Variants in PSMA1 observed in about 807,000 individuals in gnomAD.
PSMA1 encodes proteasome 20S subunit alpha 1, also known as proteasome subunit alpha type-1.
In PSMA1, 3 loss-of-function variants were observed where a neutral mutation model predicts 38.4. The observed-to-expected ratio is 0.08, with a 90% confidence interval of 0.04 to 0.20. The LOEUF (loss-of-function observed/expected upper bound fraction) is 0.20, where lower values mean the gene tolerates loss of function less well. PSMA1 is among the 10% of genes least tolerant of loss of function. PSMA1 has a pLI of 1.00. For missense variants in PSMA1, 227 were observed against 325.3 expected, an observed-to-expected ratio of 0.70 and a Z score of 2.32; for synonymous variants, 101 against 107.1, an observed-to-expected ratio of 0.94 and a Z score of 0.35.
At chr11:14,613,525 A>T (rs1335320985) in intron 1 of PSMA1, among the ~76,000 whole-genome samples, 1 of 152,136 alleles carries the variant, frequency 6.6e-6, no homozygotes, top group Non-Finnish European at 1.5e-5. Flanking sequence ...AAGTGCTGGG[A>T]TTATAGGCGT....
chr11:14,633,813 G>T lies in PSMA1; in HGVS notation c.-166+9642C>A, dbSNP rs57216871. 1.8e-3 allele frequency among the ~76,000 whole-genome samples: 268 copies of T among 152,282 alleles called. 7 individuals carry two copies. In the East Asian group the frequency reaches 0.042, roughly 24 times the overall value. On this transcript the variant is annotated intron_variant, in intron 1 of 10. Coordinates refer to the PSMA1 transcript ENST00000418988. ...AGACTCTGTGGGCATAGGACCCTCC[G>T]AGCCAGGTGCGGGATATAATCTCGT... is the stretch of plus-strand genomic sequence containing the variant.
At chr11:14,598,966 G>T (rs910287244) in intron 2 of PSMA1, among the ~76,000 whole-genome samples, 2 of 151,884 alleles carry the variant, frequency 1.3e-5, no homozygotes, top group Non-Finnish European at 2.9e-5. Flanking sequence ...GCATTTTTCT[G>T]TAAAGGATCT....
chr11:14,595,709 G>T (rs1852482189), intron 2 of PSMA1, among the ~76,000 whole-genome samples: 1 of 152,138 alleles, frequency 6.6e-6, no homozygotes, highest in Admixed American at 6.5e-5. Context: ...TTACTCTGAT[G>T]GTAGTTTCTT....
chr11:14,514,356 A>G, intron 5 of PSMA1, 47 bp downstream of exon 5: 1 of 1,550,478 alleles, frequency 6.4e-7, no homozygotes. Flanking sequence ...ACAAGTATCA[A>G]AACCCTTCAA....
chr11:14,577,776 AG>A (rs1430995298), intron 2 of PSMA1, among the ~76,000 whole-genome samples: 14 of 152,264 alleles, frequency 9.2e-5, no homozygotes, highest in South Asian at 2.1e-4. Flanking sequence ...GAACCCAGAC[AG>A]TCAGGCTCCA....
intron 2 of PSMA1, among the ~76,000 whole-genome samples, chr11:14,564,954 T>A (rs999706903): frequency 4.6e-5 from 7 of 152,130 alleles, no homozygotes; most frequent in Non-Finnish European, 7.4e-5. Context: ...ATTAAAAAAA[T>A]TTTTTTGTAG....
At chr11:14,547,898 A>G (rs991333501) in intron 2 of PSMA1, among the ~76,000 whole-genome samples, 1 of 152,104 alleles carries the variant, frequency 6.6e-6, no homozygotes, top group African/African-American at 2.4e-5. Flanking sequence ...TACTTGGCTA[A>G]CTTGAACCTG....
chr11:14,593,613 TGA>T (rs59225796), intron 2 of PSMA1, among the ~76,000 whole-genome samples: 5,037 of 98,800 alleles, frequency 0.051, 180 homozygotes, highest in South Asian at 0.073. Context: ...GGAGGAAAAA[TGA>T]GAGAGAGAGA....
At chr11:14,531,028 T>C (rs1369539412) in intron 2 of PSMA1, among the ~76,000 whole-genome samples, 1 of 152,184 alleles carries the variant, frequency 6.6e-6, no homozygotes, top group Non-Finnish European at 1.5e-5. Flanking sequence ...ACTCTTCTAG[T>C]AGATAGTTTT....
chr11:14,565,860 C>T (rs193184638), intron 2 of PSMA1, among the ~76,000 whole-genome samples: 12 of 152,274 alleles, frequency 7.9e-5, no homozygotes, highest in Middle Eastern at 3.4e-3. Context: ...ATTTACTGTA[C>T]GGCATTTATC....
At chr11:14,629,418 A>G (rs1470482982) in intron 1 of PSMA1, among the ~76,000 whole-genome samples, 2 of 152,312 alleles carry the variant, frequency 1.3e-5, no homozygotes, top group Admixed American at 6.5e-5. Context: ...CATTTATTAA[A>G]TAGGGAATCC....
At chr11:14,589,632 A>G (rs1852388930) in intron 2 of PSMA1, among the ~76,000 whole-genome samples, 1 of 152,102 alleles carries the variant, frequency 6.6e-6, no homozygotes, top group Non-Finnish European at 1.5e-5. Context: ...TTGACCCCTC[A>G]GGGAAAGGTA....
At chr11:14,511,328 G>A (rs747867405) in intron 7 of PSMA1, among the ~76,000 whole-genome samples, 4 of 151,898 alleles carry the variant, frequency 2.6e-5, no homozygotes, top group Non-Finnish European at 4.4e-5. Flanking sequence ...CAGTATTACC[G>A]ATAACAAGAA....
At chr11:14,571,920 C>A (rs913492670) in intron 2 of PSMA1, among the ~76,000 whole-genome samples, 5 of 152,028 alleles carry the variant, frequency 3.3e-5, no homozygotes, top group African/African-American at 9.7e-5. Flanking sequence ...ACAAAGAAGG[C>A]CATTACATAA....
At chr11:14,509,692 C>T (rs1851309419) in intron 8 of PSMA1, among the ~76,000 whole-genome samples, 1 of 149,668 alleles carries the variant, frequency 6.7e-6, no homozygotes, top group East Asian at 2.0e-4. Context: ...TGAGCCACTG[C>T]GGCTGGCCCA....
intron 1 of PSMA1, among the ~76,000 whole-genome samples, chr11:14,631,036 T>C (rs1381115680): frequency 3.3e-5 from 5 of 152,164 alleles, no homozygotes; most frequent in Non-Finnish European, 7.3e-5. Context: ...TTTTATTGCG[T>C]CTATTTGATT....
intron 1 of PSMA1, among the ~76,000 whole-genome samples, chr11:14,613,790 A>T (rs540921245): frequency 2.6e-5 from 4 of 152,192 alleles, no homozygotes; most frequent in African/African-American, 9.7e-5. Flanking sequence ...ACAAAGGAGA[A>T]ACAGGCAGTT....
intron 2 of PSMA1, among the ~76,000 whole-genome samples, chr11:14,562,930 C>A (rs1438849483): frequency 6.6e-6 from 1 of 152,054 alleles, no homozygotes; most frequent in African/African-American, 2.4e-5. Flanking sequence ...ACTCTTAATG[C>A]CCCATTAATT....
At chr11:14,640,303 G>C (rs899107277) in intron 1 of PSMA1, among the ~76,000 whole-genome samples, 1 of 152,114 alleles carries the variant, frequency 6.6e-6, no homozygotes, top group African/African-American at 2.4e-5. Context: ...CTGAGAACAA[G>C]CTGAAACAAT....
Sources: allele counts gnomAD v4.1 joint callset (sites outside exome capture counted in the v4.1 genomes callset), GRCh38; gene constraint gnomAD v4.1.1; transcripts MANE v1.5; gene names NCBI Gene and HGNC (gene_info 2026-07-23, HGNC 2026-07-21).